The following PDE8B variants were observed in gnomAD, a reference collection of about 807,000 sequenced individuals.
PDE8B encodes the protein phosphodiesterase 8B, also known as high affinity cAMP-specific and IBMX-insensitive 3',5'-cyclic phosphodiesterase 8B.
PDE8B carries 26 observed loss-of-function variants against 101.3 expected under a neutral mutation model. The ratio of observed to expected loss-of-function variants is 0.26; its 90% confidence interval spans 0.19 to 0.36. The LOEUF is 0.36. Among genes scored for constraint, PDE8B ranks in the 10% least tolerant of loss-of-function variants. The pLI is 1.00. For missense variants in PDE8B, 810 were observed against 1,163.1 expected (o/e 0.70, Z 4.42); for synonymous variants, 424 against 429.3 (o/e 0.99, Z 0.15).
the PDE8B span, among the ~76,000 whole-genome samples, chr5:77,096,752 C>T: frequency 2.0e-5 from 3 of 152,202 alleles, no homozygotes; most frequent in African/African-American, 4.8e-5. Flanking sequence ...TCCCTCCAAT[C>T]GCTGCCTCTG....
At chr5:77,399,026 G>A (rs549587973) in intron 10 of PDE8B, among the ~76,000 whole-genome samples, 16 of 152,222 alleles carry the variant, frequency 1.1e-4, no homozygotes, top group African/African-American at 1.9e-4. Flanking sequence ...CAGAAGCCAC[G>A]TCTGTGCCTT....
chr5:77,215,090 C>T (rs144340306), intron 1 of PDE8B, among the ~76,000 whole-genome samples: 115 of 152,204 alleles, frequency 7.6e-4, no homozygotes, highest in African/African-American at 2.7e-3. Flanking sequence ...GAAGTCAAAA[C>T]GCTGAGCCTC....
At chr5:77,117,313 A>G in the PDE8B span, among the ~76,000 whole-genome samples, 311 of 152,208 alleles carry the variant, frequency 2.0e-3, no homozygotes, top group African/African-American at 7.3e-3. Flanking sequence ...ATTTTTTTTC[A>G]ATCGGAGAGA....
intron 17 of PDE8B, among the ~76,000 whole-genome samples, chr5:77,414,260 C>T (rs920873700): frequency 3.3e-5 from 5 of 152,156 alleles, no homozygotes; most frequent in Non-Finnish European, 5.9e-5. Context: ...TCACTTTCAT[C>T]AGCAAGGAAA....
At chr5:77,134,605 A>G in the PDE8B span, 1 of 152,212 alleles carries the variant, frequency 6.6e-6, no homozygotes, top group Non-Finnish European at 1.5e-5. Flanking sequence ...CCTGTACACA[A>G]TGGGACAGGG....
chr5:77,421,503 AAAC>A (rs1796624549), intron 19 of PDE8B, among the ~76,000 whole-genome samples: 1 of 152,174 alleles, frequency 6.6e-6, no homozygotes, highest in African/African-American at 2.4e-5. Flanking sequence ...CTCAAAATAA[AAAC>A]AAAACTGCTG....
chr5:77,237,216 T>A (rs1319300175), intron 1 of PDE8B, among the ~76,000 whole-genome samples: 1 of 152,176 alleles, frequency 6.6e-6, no homozygotes, highest in Non-Finnish European at 1.5e-5. Context: ...ATTCTAACAA[T>A]TTCTGTCTTT....
chr5:77,214,743 C>T (rs1168718869), intron 1 of PDE8B, among the ~76,000 whole-genome samples: 1 of 152,010 alleles, frequency 6.6e-6, no homozygotes, highest in Admixed American at 6.6e-5. Flanking sequence ...TGGAGTCAAA[C>T]TTTACGCAAG....
At chr5:77,420,727 CTT>C (rs1796471107) in intron 19 of PDE8B, among the ~76,000 whole-genome samples, 1 of 152,112 alleles carries the variant, frequency 6.6e-6, no homozygotes, top group Non-Finnish European at 1.5e-5. Flanking sequence ...CCACAGAAGA[CTT>C]ACAGGAGCAA....
chr5:77,329,886 A>G (rs544344017), intron 4 of PDE8B, among the ~76,000 whole-genome samples: 18 of 152,350 alleles, frequency 1.2e-4, no homozygotes, highest in Admixed American at 2.6e-4. Flanking sequence ...GAAATGCCTC[A>G]TTCCAAAGCC....
At chr5:77,380,032 A>G (rs1231466522) in intron 10 of PDE8B, among the ~76,000 whole-genome samples, 3 of 152,230 alleles carry the variant, frequency 2.0e-5, no homozygotes, top group Non-Finnish European at 4.4e-5. Flanking sequence ...GTGCTTAATA[A>G]GTCAACGTTT....
intron 2 of PDE8B, among the ~76,000 whole-genome samples, chr5:77,318,877 C>A (rs1774412490): frequency 6.6e-6 from 1 of 152,140 alleles, no homozygotes; most frequent in Non-Finnish European, 1.5e-5. Flanking sequence ...ATTGACAATC[C>A]ATTTGAAGAC....
chr5:77,411,618 AAAAG>A (rs1447264577), intron 14 of PDE8B, 54 bp from the exon 15 acceptor site: 1 of 1,401,952 alleles, frequency 7.1e-7, no homozygotes, highest in Non-Finnish European at 1.0e-6. Flanking sequence ...AATAAAAAAA[AAAAG>A]AGAATGATAA....
At chr5:77,237,395 A>T (rs2149521261) in intron 1 of PDE8B, among the ~76,000 whole-genome samples, 1 of 152,094 alleles carries the variant, frequency 6.6e-6, no homozygotes, top group East Asian at 1.9e-4. Context: ...TTTTTACTAC[A>T]TCTCTTTGTG....
chr5:77,268,126 C>T (rs1041808136), intron 1 of PDE8B, among the ~76,000 whole-genome samples: 4 of 151,984 alleles, frequency 2.6e-5, no homozygotes, highest in Non-Finnish European at 5.9e-5. Flanking sequence ...GTGACTACCA[C>T]TGACCACTAA....
At chr5:77,297,137 A>C (rs1310131396) in intron 1 of PDE8B, among the ~76,000 whole-genome samples, 2 of 152,158 alleles carry the variant, frequency 1.3e-5, no homozygotes, top group Admixed American at 6.5e-5. Flanking sequence ...AAGCAAGCGG[A>C]ATTCATCCTT....
chr5:77,269,705 T>C (rs1024225278), intron 1 of PDE8B, among the ~76,000 whole-genome samples: 1 of 152,192 alleles, frequency 6.6e-6, no homozygotes, highest in Admixed American at 6.5e-5. Flanking sequence ...ATATCCAGTT[T>C]TCCTAGCACC....
At chr5:77,360,246 A>G (rs768714777) in intron 10 of PDE8B, among the ~76,000 whole-genome samples, 2 of 125,708 alleles carry the variant, frequency 1.6e-5, no homozygotes, top group Non-Finnish European at 3.2e-5. Context: ...GGCGTTTGGG[A>G]GGAGGGTTTT....
At position 77,385,795 on chromosome 5, in the gene PDE8B, G is replaced by GTTTTTT. The variant is rs35717428; in HGVS notation, c.1168-14438_1168-14433dup. 4.8e-4 allele frequency among the ~76,000 whole-genome samples: 52 copies of GTTTTTT among 107,986 alleles called. 2 individuals are homozygous for GTTTTTT. Among genetic ancestry groups the GTTTTTT allele is most frequent in the African/African-American group, 1.5e-3 (41 of 26,548 alleles). 70.8% of individuals were successfully genotyped at this position (107,986 alleles called of 152,430 possible). The stretch of plus-strand genomic sequence containing the variant: ...AGTTGTGCGGTTTTGAGTGAGTGAG[G>GTTTTTT]TTTTTTTTTTTTTTTTTTTTGAGAT... On this transcript the variant is annotated intron_variant, in intron 10 of 21. Coordinates refer to ENST00000264917, the MANE Select transcript of PDE8B (RefSeq NM_003719.5).
Sources: gnomAD v4.1 joint callset for allele counts (sites outside exome capture counted in the v4.1 genomes callset) on GRCh38, gnomAD v4.1.1 for gene constraint, MANE v1.5 for transcripts, NCBI Gene and HGNC (gene_info 2026-07-23, HGNC 2026-07-21) for gene names.